The following SRRM3 variants were observed in gnomAD, a reference collection of about 807,000 sequenced individuals.
SRRM3 encodes the protein serine/arginine repetitive matrix 3, also known as serine/arginine repetitive matrix protein 3.
SRRM3 carries 27 observed loss-of-function variants against 66.2 expected under a neutral mutation model. The observed-to-expected ratio is 0.41, with a 90% CI of 0.30 to 0.56. The LOEUF (loss-of-function observed/expected upper bound fraction) is 0.56, where lower values mean the gene tolerates loss of function less well. Among genes scored for constraint, SRRM3 ranks in the 20% least tolerant of loss-of-function variants. The pLI, the probability that SRRM3 is intolerant of heterozygous loss-of-function variation, is 0.32. For synonymous variants in SRRM3, 391 were observed against 414.9 expected (o/e 0.94, Z 0.70); for missense variants, 918 against 991.9 (o/e 0.93, Z 1.00).
rs868916981 is a variant in SRRM3 at position 76,282,823 on chromosome 7, C to T, written c.1546C>T (p.Arg516Trp). ...SKSRSRSAEK[R>W]PHSPSRSPSP... is the part of the protein sequence containing the mutation. ...ATCTCGCTCGCGCTCTGCGGAGAAG[C>T]GGCCCCACAGCCCCAGCCGCTCGCC... The change falls in exon 13 of 15, where the codon CGG becomes TGG. Residue 516 changes from arginine to tryptophan, a missense_variant. Coordinates refer to ENST00000611745, the MANE Select transcript of SRRM3 (RefSeq NM_001110199.3). The T allele has an allele frequency of 3.4e-6, 5 of 1,462,410 alleles. No homozygotes were observed. The highest frequency in any genetic ancestry group is 2.3e-4 in the Middle Eastern group (1 of 4,306). 90.6% of individuals were successfully genotyped at this position (1,462,410 alleles called of 1,614,324 possible).
chr7:76,258,023 T>C (rs1181038458), intron 3 of SRRM3, among the ~76,000 whole-genome samples: 1 of 152,054 alleles, frequency 6.6e-6, no homozygotes, highest in African/African-American at 2.4e-5. Context: ...GAAGAGCCTG[T>C]AGGGAGCCAA....
intron 1 of SRRM3, among the ~76,000 whole-genome samples, chr7:76,207,156 G>A (rs1296327386): frequency 2.6e-5 from 4 of 152,128 alleles, no homozygotes; most frequent in African/African-American, 7.2e-5. Context: ...TAAAAAATTA[G>A]CCATGTGTGG....
At chr7:76,234,352 GGTCAC>G (rs1348168223) in intron 1 of SRRM3, among the ~76,000 whole-genome samples, 1 of 152,060 alleles carries the variant, frequency 6.6e-6, no homozygotes, top group Non-Finnish European at 1.5e-5. Flanking sequence ...TGTCAGCTTT[GGTCAC>G]GTCATCAGAA....
intron 11 of SRRM3, among the ~76,000 whole-genome samples, chr7:76,278,420 G>A (rs1325051489): frequency 6.6e-6 from 1 of 152,202 alleles, no homozygotes; most frequent in African/African-American, 2.4e-5. Context: ...CCGGGAAGCA[G>A]AGGTTGCAGT....
chr7:76,245,043 G>A (rs1290520510), intron 2 of SRRM3, among the ~76,000 whole-genome samples: 1 of 152,236 alleles, frequency 6.6e-6, no homozygotes, highest in Non-Finnish European at 1.5e-5. Flanking sequence ...GCCAGGAGTT[G>A]GGATGTATGG....
chr7:76,267,325 C>T lies in SRRM3; in HGVS notation c.898C>T (p.Pro300Ser), dbSNP rs1802090392. The change falls in exon 11 of 15, where the codon CCT becomes TCT. Residue 300 changes from proline to serine, a missense_variant. By Grantham distance (74) the Pro-to-Ser change is moderately conservative. Coordinates refer to ENST00000611745, the MANE Select transcript of SRRM3 (RefSeq NM_001110199.3). ...CCAGCGGTCCAGCGGAAGCCGGTCG[C>T]CTTCCCCGTCGGGCGGCAGCGGATG... ...GSQRSSGSRS[P>S]SPSGGSGWGS... 1 of 1,542,494 alleles carries T rather than the reference C, an allele frequency of 6.5e-7. No individual in the cohort carries two copies. Among genetic ancestry groups the T allele is most frequent in the South Asian group, 1.2e-5 (1 of 83,456 alleles).
At chr7:76,244,081 T>G (rs1583901911) in intron 2 of SRRM3, among the ~76,000 whole-genome samples, 1 of 152,014 alleles carries the variant, frequency 6.6e-6, no homozygotes. Flanking sequence ...CAGTGCAGGG[T>G]GGCCTGAGCC....
At chr7:76,246,519 G>A (rs782620774) in intron 2 of SRRM3, among the ~76,000 whole-genome samples, 5 of 151,952 alleles carry the variant, frequency 3.3e-5, no homozygotes, top group Non-Finnish European at 7.4e-5. Flanking sequence ...AGCTGAGATC[G>A]CACCACTGCA....
At chr7:76,283,857 G>A in intron 14 of SRRM3, 1 of 985,120 alleles carries the variant, frequency 1.0e-6, no homozygotes, top group Non-Finnish European at 1.2e-6. Flanking sequence ...CTGCCTTTGT[G>A]GAAATCACCC....
At chr7:76,229,794 A>T (rs1231505999) in intron 1 of SRRM3, among the ~76,000 whole-genome samples, 2 of 134,376 alleles carry the variant, frequency 1.5e-5, no homozygotes, top group Non-Finnish European at 3.0e-5. Flanking sequence ...CCCAGGCTGG[A>T]GTGCAGTGGT....
intron 1 of SRRM3, among the ~76,000 whole-genome samples, chr7:76,225,440 G>T (rs59248317): frequency 6.6e-6 from 1 of 151,942 alleles, no homozygotes; most frequent in Non-Finnish European, 1.5e-5. Flanking sequence ...GGAAAAAAAA[G>T]CCCCTAGAGG....
chr7:76,284,562 G>T (rs1368493480), intron 14 of SRRM3, among the ~76,000 whole-genome samples: 2 of 152,106 alleles, frequency 1.3e-5, no homozygotes, highest in African/African-American at 4.8e-5. Context: ...TTTGAACCCA[G>T]GGATCTTCCT....
intron 1 of SRRM3, among the ~76,000 whole-genome samples, chr7:76,226,583 TA>T (rs1554603760): frequency 5.5e-4 from 83 of 151,252 alleles, no homozygotes; most frequent in African/African-American, 1.9e-3. Flanking sequence ...TTTATTTATT[TA>T]TTTATTTATT....
At chr7:76,209,009 G>A (rs528350122) in intron 1 of SRRM3, among the ~76,000 whole-genome samples, 8 of 152,222 alleles carry the variant, frequency 5.3e-5, no homozygotes, top group African/African-American at 1.9e-4. Flanking sequence ...TGAGGCAAGA[G>A]GATCACTTGA....
intron 11 of SRRM3, chr7:76,269,555 A>C (rs1340933580): frequency 5.9e-5 from 9 of 151,838 alleles, no homozygotes; most frequent in African/African-American, 2.2e-4. Context: ...AAAAGAAAAG[A>C]AAAAAAGAGA....
intron 1 of SRRM3, among the ~76,000 whole-genome samples, chr7:76,233,373 G>A (rs1286122876): frequency 6.6e-6 from 1 of 152,114 alleles, no homozygotes; most frequent in Non-Finnish European, 1.5e-5. Flanking sequence ...AACTGTTGTG[G>A]GTCAGGTCAA....
At chr7:76,232,134 C>T (rs556492132) in intron 1 of SRRM3, among the ~76,000 whole-genome samples, 2 of 152,314 alleles carry the variant, frequency 1.3e-5, no homozygotes, top group East Asian at 3.9e-4. Flanking sequence ...GCGCATTGAG[C>T]TTCACATGCA....
chr7:76,226,738 G>T (rs1800873994), intron 1 of SRRM3, among the ~76,000 whole-genome samples: 1 of 152,062 alleles, frequency 6.6e-6, no homozygotes, highest in African/African-American at 2.4e-5. Context: ...TTACAGGCAT[G>T]TGCCACCACA....
Position 76,285,929 on chromosome 7 carries a change from T to G in SRRM3, c.*86T>G. 1 of 1,367,926 alleles carries G rather than the reference T, an allele frequency of 7.3e-7. No individual in the cohort carries two copies. Among genetic ancestry groups the G allele is most frequent in the Non-Finnish European group, 9.9e-7 (1 of 1,012,302 alleles). 84.7% of individuals were successfully genotyped at this position (1,367,926 alleles called of 1,614,324 possible). A position where few individuals can be genotyped will look rare whatever the true frequency, so the allele number is the denominator to read the frequency against. ...GGACCCCAGTGGGGAGGGGGCTATA[T>G]CTCCTTGCCCCCAAGGCTACAAAGA... On this transcript the variant is annotated 3_prime_UTR_variant, in exon 15 of 15. Transcript: ENST00000611745. The surrounding 1 kb of genome is among the most constrained non-coding windows in gnomAD (Gnocchi z 4.1).
Sources: gnomAD v4.1 joint callset for allele counts (sites outside exome capture counted in the v4.1 genomes callset) on GRCh38, gnomAD v4.1.1 for gene constraint, Gnocchi (gnomAD v3.1) non-coding constraint, MANE v1.5 for transcripts, NCBI Gene and HGNC (gene_info 2026-07-23, HGNC 2026-07-21) for gene names.